SETD1A: variants seen among roughly 807,000 people sequenced by gnomAD.
SETD1A encodes histone-lysine N-methyltransferase SETD1A.
In SETD1A, 29 loss-of-function variants were observed where a neutral mutation model predicts 149.9. The observed-to-expected ratio is 0.19, with a 90% CI of 0.14 to 0.26. The LOEUF is 0.26. Ranked by LOEUF, SETD1A falls within the 10% of genes least tolerant of loss-of-function variation. SETD1A has a pLI of 1.00. For synonymous variants in SETD1A, 1,141 were observed against 968.5 expected, an observed-to-expected ratio of 1.18 and a Z score of -3.31; for missense variants, 2,109 against 2,353.1, an observed-to-expected ratio of 0.90 and a Z score of 2.15.
intron 9 of SETD1A, 34 bp from the exon 10 acceptor site, chr16:30,967,467 T>A: frequency 6.2e-7 from 1 of 1,600,422 alleles, no homozygotes; most frequent in Non-Finnish European, 8.6e-7. Context: ...GTGTTTGAGC[T>A]CTAAACAGGC....
At chr16:30,981,284 A>C in intron 17 of SETD1A, 104 bp downstream of exon 17, 5 of 1,434,568 alleles carry the variant, frequency 3.5e-6, no homozygotes, top group Non-Finnish European at 9.5e-7. Flanking sequence ...ACACTCCCTA[A>C]CCCCGGTACC....
chr16:30,965,907 A>G lies in SETD1A; in HGVS notation c.2026A>G (p.Met676Val), dbSNP rs1437829634. ...CCGACTTGGGGCTCAGTGGGGAGGG[A>G]TGCCCATGTCCTTCCAGATGCAGAC... ...MDRLGAQWGG[M>V]PMSFQMQTQM... Residue 676 changes from methionine (M) to valine (V), a missense_variant, in exon 8 of 19, where the codon ATG becomes GTG. Transcript: ENST00000262519. 1 of 1,606,412 alleles carries G rather than the reference A, an allele frequency of 6.2e-7. No homozygotes were observed.
rs371472638 is a variant in SETD1A at position 30,967,600 on chromosome 16, C to G, written c.2770+12C>G. On this transcript the variant is annotated intron_variant, in intron 10 of 18. Coordinates refer to ENST00000262519, the MANE Select transcript of SETD1A (RefSeq NM_014712.3). ...GGAAGATGAAGACGGTGAGCAGGGT[C>G]AGGCATAAGGAGAAGGGGTGTGCTG... 4.2e-5 allele frequency: 68 copies of G among 1,611,168 alleles called. No homozygotes were observed. The African/African-American group carries it at 8.7e-4, about 21-fold the overall frequency.
chr16:30,961,909 C>T lies in SETD1A; in HGVS notation c.517+372C>T, dbSNP rs2048570875. ...TGTCACCTAGGCTGGAGAGCAGTGG[C>T]GTGATCTTTCCTCACTGCAGCCTCC... On this transcript the variant is annotated intron_variant, in intron 4 of 18. Transcript: ENST00000262519. This position sits in a 1 kb window ranked among gnomAD's most constrained non-coding sequence, Gnocchi z 4.0. Among the ~76,000 whole-genome samples the T allele has an allele frequency of 6.6e-6, 1 of 152,088 alleles. No individual in the cohort carries two copies. Among genetic ancestry groups the T allele is most frequent in the African/African-American group, 2.4e-5 (1 of 41,414 alleles).
rs2056142121 is a variant in SETD1A at position 30,966,120 on chromosome 16, G to A, written c.2239G>A (p.Ala747Thr). The stretch of plus-strand genomic sequence containing the variant: ...GGGCAGAGGGGCATACTCACGGGAG[G>A]CCTACCACCTGCCCATGCCAATGGC... ...QEGRGAYSRE[A>T]YHLPMPMAAE... Residue 747 changes from alanine to threonine, a missense_variant, in exon 8 of 19, where the codon GCC becomes ACC. By Grantham distance (58) the Ala-to-Thr change is moderately conservative (BLOSUM62 0). Transcript: ENST00000262519. 6.2e-7 allele frequency: 1 copy of A among 1,601,094 alleles called. No individual in the cohort carries two copies. The highest frequency in any genetic ancestry group is 8.5e-7 in the Non-Finnish European group (1 of 1,172,618).
Position 30,966,148 on chromosome 16 carries a change from C to A in SETD1A, c.2267C>A (p.Ala756Asp). The stretch of plus-strand genomic sequence containing the variant: ...TACCACCTGCCCATGCCAATGGCAG[C>A]CGAGCCCCTGCCCTCCTCCTCAGTC... ...EAYHLPMPMA[A>D]EPLPSSSVSG... is the part of the protein sequence containing the mutation. The change falls in exon 8 of 19, where the codon GCC (alanine) becomes GAC (aspartate). Residue 756 changes from alanine (A) to aspartate (D), a missense_variant. Ala to Asp is a moderately radical substitution (Grantham distance 126). Coordinates refer to ENST00000262519, the MANE Select transcript of SETD1A (RefSeq NM_014712.3). The A allele has an allele frequency of 6.2e-7, 1 of 1,605,104 alleles. No individual in the cohort carries two copies. Among genetic ancestry groups the A allele is most frequent in the South Asian group, 1.1e-5 (1 of 90,328 alleles).
chr16:30,980,293 T>A lies in SETD1A; in HGVS notation c.4408+99T>A. On this transcript the variant is annotated intron_variant, in intron 14 of 18. Transcript: ENST00000262519. The surrounding 1 kb of genome is among the most constrained non-coding windows in gnomAD (Gnocchi z 7.7). ...CCACTCTGTCTGCCTCCCCTCTGGC[T>A]CCAAGCCATCTTTTCTCTCCTCCTG... 1 of 1,459,416 alleles carries A rather than the reference T, an allele frequency of 6.9e-7. No homozygotes were observed. Among genetic ancestry groups the A allele is most frequent in the Non-Finnish European group, 9.1e-7 (1 of 1,098,260 alleles). The allele number at this position is 1,459,416 out of a possible 1,614,324, so 90.4% of individuals were successfully genotyped here.
At chr16:30,972,333 A>G (rs1257965302) in intron 13 of SETD1A, among the ~76,000 whole-genome samples, 1 of 152,186 alleles carries the variant, frequency 6.6e-6, no homozygotes, top group Non-Finnish European at 1.5e-5. Context: ...AGACATCTTC[A>G]TTGAGTAAGA....
chr16:30,969,961 TTTGTTGTTGTTG>T (rs905156684), intron 12 of SETD1A, among the ~76,000 whole-genome samples: 1 of 152,026 alleles, frequency 6.6e-6, no homozygotes, highest in Non-Finnish European at 1.5e-5. Flanking sequence ...TGTTTTGTTT[TTTGTTGTTGTTG>T]TTGTTGTTGT....
At chr16:30,970,960 T>C (rs2056216588) in intron 12 of SETD1A, among the ~76,000 whole-genome samples, 1 of 152,180 alleles carries the variant, frequency 6.6e-6, no homozygotes, top group Non-Finnish European at 1.5e-5. Flanking sequence ...CAGCCCAGAA[T>C]CCTTTTTCAC....
intron 13 of SETD1A, among the ~76,000 whole-genome samples, chr16:30,973,457 C>T (rs372884218): frequency 9.2e-5 from 14 of 152,116 alleles, no homozygotes; most frequent in East Asian, 7.7e-4. Flanking sequence ...AGTTCGAGAC[C>T]GGCCTGATCA....
chr16:30,979,003 G>T, intron 13 of SETD1A, 142 bp from the exon 14 acceptor site: 3 of 790,880 alleles, frequency 3.8e-6, no homozygotes, highest in Admixed American at 3.0e-5. Context: ...GGGATGTGGG[G>T]CTGAGGCCAG....
intron 13 of SETD1A, among the ~76,000 whole-genome samples, chr16:30,974,088 C>A (rs563438623): frequency 6.6e-6 from 1 of 151,900 alleles, no homozygotes; most frequent in Non-Finnish European, 1.5e-5. Context: ...CAAAGCCGAG[C>A]GGTTCTAATG....
Position 30,965,594 on chromosome 16 carries a change from C to T in SETD1A, c.1720-7C>T. 6.2e-7 allele frequency: 1 copy of T among 1,612,184 alleles called. No individual in the cohort carries two copies. Among genetic ancestry groups the T allele is most frequent in the Non-Finnish European group, 8.5e-7 (1 of 1,179,206 alleles). On this transcript the variant is annotated splice_region_variant and splice_polypyrimidine_tract_variant and intron_variant, in intron 7 of 18. Coordinates refer to ENST00000262519, the MANE Select transcript of SETD1A (RefSeq NM_014712.3). ...AAGCCTTCTGTGACCCTCTTCTGCC[C>T]CCGCAGGCTTCTCCATGCTCTTCTG...
chr16:30,984,101 T>C lies in SETD1A; in HGVS notation c.*78T>C. 1 of 1,391,520 alleles carries C rather than the reference T, an allele frequency of 7.2e-7. No homozygotes were observed. The highest frequency in any genetic ancestry group is 9.7e-7 in the Non-Finnish European group (1 of 1,027,692). The allele number at this position is 1,391,520 out of a possible 1,614,324, so 86.2% of individuals were successfully genotyped here. On this transcript the variant is annotated 3_prime_UTR_variant, in exon 19 of 19. Coordinates refer to ENST00000262519, the MANE Select transcript of SETD1A (RefSeq NM_014712.3). ...GCTCCCAGCACCCCCCCAGCCTTAGTGGGCTCAGCAGGGCCCACATGCCCC... is the reference window on the plus strand; with the variant it reads ...GCTCCCAGCACCCCCCCAGCCTTAGCGGGCTCAGCAGGGCCCACATGCCCC...
rs200567879 is a variant in SETD1A, at chr16:30,969,445, G to C, written c.2911G>C (p.Glu971Gln). Reference sequence around the variant, plus strand: ...CAGCGAAGGGGAGGAGGCATCCCAGGAGTCCTCCTCGGAGAAGGTGAGGGC... The same window carrying C: ...CAGCGAAGGGGAGGAGGCATCCCAGCAGTCCTCCTCGGAGAAGGTGAGGGC... ...LDSEGEEASQ[E>Q]SSSEKDEEDD... Residue 971 changes from glutamate (E) to glutamine (Q), a missense_variant, in exon 11 of 19, where the codon GAG (glutamate) becomes CAG (glutamine). Glu to Gln is a conservative substitution (Grantham distance 29). Transcript: ENST00000262519. The C allele has an allele frequency of 6.9e-5, 112 of 1,612,292 alleles. No individual in the cohort carries two copies. Among genetic ancestry groups the C allele is most frequent in the Non-Finnish European group, 9.2e-5 (108 of 1,179,182 alleles).
At chr16:30,966,757 A>T in intron 8 of SETD1A, 127 bp from the exon 9 acceptor site, 1 of 1,082,054 alleles carries the variant, frequency 9.2e-7, no homozygotes, top group Non-Finnish European at 1.3e-6. Context: ...GGGCTGGGAC[A>T]GGTGTGACCA....
chr16:30,967,004 G>A lies in SETD1A; in HGVS notation c.2626G>A (p.Glu876Lys), dbSNP rs1488863032. The A allele has an allele frequency of 6.3e-7, 1 of 1,599,138 alleles. No homozygotes were observed. The highest frequency in any genetic ancestry group is 8.5e-7 in the Non-Finnish European group (1 of 1,173,588). The change falls in exon 9 of 19, where the codon GAG (glutamate) becomes AAG (lysine). Residue 876 changes from glutamate (E) to lysine (K), a missense_variant. Around this residue, in one of 8 missense-constraint regions of SETD1A, gnomAD observed 832 missense variants for 815.6 expected, o/e 1.02. Transcript: ENST00000262519. The part of the protein sequence containing the change: ...WAKSGGTTGI[E>K]AFAFGSGLRG... Reference sequence around the variant, plus strand: ...CAAGAGCGGGGGCACTACGGGCATCGAGGCTTTCGCCTTTGGGTCAGGGCT... The same window carrying A: ...CAAGAGCGGGGGCACTACGGGCATCAAGGCTTTCGCCTTTGGGTCAGGGCT...
At chr16:30,981,689 T>C (rs774244424) in intron 17 of SETD1A, among the ~76,000 whole-genome samples, 3 of 152,214 alleles carry the variant, frequency 2.0e-5, no homozygotes, top group African/African-American at 4.8e-5. Context: ...GCTGCTCCCT[T>C]TCAAAGGGCC....
Sources: gnomAD v4.1 joint callset for allele counts (sites outside exome capture counted in the v4.1 genomes callset) on GRCh38, gnomAD v4.1.1 for gene constraint, gnomAD v4.1.1 regional missense constraint, Gnocchi (gnomAD v3.1) non-coding constraint, MANE v1.5 for transcripts, NCBI Gene and HGNC (gene_info 2026-07-23, HGNC 2026-07-21) for gene names.